ZFHX3: variants seen among roughly 807,000 people sequenced by gnomAD.
ZFHX3 encodes the protein zinc finger homeobox protein 3.
A neutral mutation model predicts 279.1 loss-of-function variants in ZFHX3; 42 were observed. The observed-to-expected ratio is 0.15, with a 90% CI of 0.12 to 0.19. The LOEUF is 0.19. Among genes scored for constraint, ZFHX3 ranks in the 10% least tolerant of loss-of-function variants. The pLI is 1.00. For synonymous variants in ZFHX3, 2,293 were observed against 1,957.8 expected, an observed-to-expected ratio of 1.17 and a Z score of -4.52; for missense variants, 4,981 against 4,754.0, an observed-to-expected ratio of 1.05 and a Z score of -1.40.
chr16:73,087,753 G>A (rs763385266), intron 8 of ZFHX3, among the ~76,000 whole-genome samples: 2 of 152,072 alleles, frequency 1.3e-5, no homozygotes, highest in Non-Finnish European at 2.9e-5. Flanking sequence ...ATTTAATGTG[G>A]TTCAAGGATC....
chr16:73,581,614 C>T (rs2051860990), intron 2 of ZFHX3, among the ~76,000 whole-genome samples: 1 of 146,964 alleles, frequency 6.8e-6, no homozygotes, highest in Admixed American at 6.9e-5. Flanking sequence ...CTAACATTTG[C>T]ATTAACATCC....
At chr16:72,989,953 A>C (rs1963013842) in intron 1 of ZFHX3, among the ~76,000 whole-genome samples, 2 of 152,178 alleles carry the variant, frequency 1.3e-5, no homozygotes, top group South Asian at 4.1e-4. Flanking sequence ...GGAAAAGAGA[A>C]AGCAGGAGTC....
intron 1 of ZFHX3, among the ~76,000 whole-genome samples, chr16:73,037,291 T>C (rs1164444403): frequency 6.6e-6 from 1 of 152,244 alleles, no homozygotes; most frequent in Non-Finnish European, 1.5e-5. Context: ...TCATGGTTAC[T>C]GTAAAATTCT....
At chr16:73,875,857 T>A (rs139635336) in intron 1 of ZFHX3, among the ~76,000 whole-genome samples, 2 of 152,220 alleles carry the variant, frequency 1.3e-5, no homozygotes, top group Admixed American at 1.3e-4. Flanking sequence ...TCAATCCACC[T>A]ACACCGAACA....
At chr16:73,182,114 T>C (rs1967809830) in intron 5 of ZFHX3, among the ~76,000 whole-genome samples, 1 of 152,104 alleles carries the variant, frequency 6.6e-6, no homozygotes, top group Non-Finnish European at 1.5e-5. Context: ...TGGGAGGAAG[T>C]TCAGGTGAAG....
At chr16:73,628,275 T>C (rs2052437016) in intron 2 of ZFHX3, among the ~76,000 whole-genome samples, 1 of 152,204 alleles carries the variant, frequency 6.6e-6, no homozygotes, top group Non-Finnish European at 1.5e-5. Context: ...AAATGTTTCT[T>C]TTCAAATTCT....
Position 72,894,092 on chromosome 16 carries a change from T to A in ZFHX3, c.3217-4130A>T, listed in dbSNP as rs148955328. Among the ~76,000 whole-genome samples the A allele has an allele frequency of 9.6e-3, 1,434 of 149,402 alleles. 8 individuals are homozygous for A. The highest frequency in any genetic ancestry group is 0.012 in the Non-Finnish European group (830 of 67,772). On this transcript the variant is annotated intron_variant, in intron 3 of 9. Coordinates refer to ENST00000268489, the MANE Select transcript of ZFHX3 (RefSeq NM_006885.4). Reference sequence around the variant, plus strand: ...TGAACCTGGGAGGCAGAGGTTGCAGTGAGCCACAATAGTGCCACTGCACTC... The same window carrying A: ...TGAACCTGGGAGGCAGAGGTTGCAGAGAGCCACAATAGTGCCACTGCACTC...
intron 4 of ZFHX3, among the ~76,000 whole-genome samples, chr16:72,852,693 T>C (rs1490437129): frequency 6.6e-6 from 1 of 152,206 alleles, no homozygotes; most frequent in Non-Finnish European, 1.5e-5. Context: ...AAAGTTTCCT[T>C]TTTTTAAAAA....
At chr16:72,806,351 A>T (rs1210336987) in intron 7 of ZFHX3, among the ~76,000 whole-genome samples, 1 of 152,214 alleles carries the variant, frequency 6.6e-6, no homozygotes, top group Non-Finnish European at 1.5e-5. Flanking sequence ...ACACATGAAG[A>T]GTTATACACG....
chr16:73,737,641 C>T (rs901699240), intron 1 of ZFHX3, among the ~76,000 whole-genome samples: 2 of 152,158 alleles, frequency 1.3e-5, no homozygotes, highest in Non-Finnish European at 1.5e-5. Flanking sequence ...GCCCCATCTA[C>T]CTGCCCCATT....
intron 3 of ZFHX3, among the ~76,000 whole-genome samples, chr16:72,929,324 A>G (rs1408002320): frequency 1.3e-5 from 2 of 151,794 alleles, no homozygotes; most frequent in Non-Finnish European, 2.9e-5. Flanking sequence ...GGTTCTACCT[A>G]TATGTTAAAT....
chr16:73,795,009 A>T (rs551345426), intron 1 of ZFHX3, among the ~76,000 whole-genome samples: 1 of 152,334 alleles, frequency 6.6e-6, no homozygotes, highest in African/African-American at 2.4e-5. Flanking sequence ...CTGCACTTTT[A>T]TCGGCAACAA....
At chr16:73,428,290 T>C (rs2017847624) in intron 3 of ZFHX3, among the ~76,000 whole-genome samples, 1 of 152,058 alleles carries the variant, frequency 6.6e-6, no homozygotes, top group South Asian at 2.1e-4. Flanking sequence ...CCATATTAAT[T>C]ACTACTCCCT....
In ZFHX3 at chr16:73,874,315, C is replaced by T. The variant is rs138496446; in HGVS notation, c.-1608+17336G>A. Among the ~76,000 whole-genome samples the T allele has an allele frequency of 9.0e-4, 137 of 152,204 alleles. No homozygotes were observed. In the Middle Eastern group the frequency reaches 0.014, roughly 15 times the overall value. On this transcript the variant is annotated intron_variant, in intron 1 of 17. Transcript: ENST00000641206. Reference sequence around the variant, plus strand: ...GACAACTGTAAGAAAAAAAATTATACGGGCAAAATTTGGGTCTGGTGGAAG... The same window carrying T: ...GACAACTGTAAGAAAAAAAATTATATGGGCAAAATTTGGGTCTGGTGGAAG...
At chr16:72,977,564 C>A (rs1393115100) in intron 1 of ZFHX3, among the ~76,000 whole-genome samples, 5 of 145,812 alleles carry the variant, frequency 3.4e-5, no homozygotes, top group African/African-American at 1.3e-4. Context: ...TGTTCCCCAA[C>A]TATTAGTTCC....
At chr16:72,836,941 C>T (rs891901881) in intron 4 of ZFHX3, among the ~76,000 whole-genome samples, 5 of 152,160 alleles carry the variant, frequency 3.3e-5, no homozygotes, top group Non-Finnish European at 7.4e-5. Context: ...TAATATTTTC[C>T]CACCTTCTCA....
chr16:72,893,419 G>T (rs914455335), intron 3 of ZFHX3, among the ~76,000 whole-genome samples: 3 of 152,306 alleles, frequency 2.0e-5, no homozygotes, highest in Non-Finnish European at 4.4e-5. Context: ...CACAAGAGAG[G>T]AATAACATGG....
At chr16:72,814,726 T>G (rs1229032459) in intron 5 of ZFHX3, among the ~76,000 whole-genome samples, 1 of 152,104 alleles carries the variant, frequency 6.6e-6, no homozygotes, top group East Asian at 1.9e-4. Context: ...AATTGCTCAC[T>G]CATTTTTCTT....
chr16:72,865,943 C>T (rs553957628), intron 4 of ZFHX3, among the ~76,000 whole-genome samples: 1 of 152,292 alleles, frequency 6.6e-6, no homozygotes, highest in South Asian at 2.1e-4. Flanking sequence ...CGGGACAGCC[C>T]TAAGTGGGAA....
Sources: allele counts gnomAD v4.1 joint callset (sites outside exome capture counted in the v4.1 genomes callset), GRCh38; gene constraint gnomAD v4.1.1; transcripts MANE v1.5; gene names NCBI Gene and HGNC (gene_info 2026-07-23, HGNC 2026-07-21).